Variants in KLF12 observed in about 807,000 individuals in gnomAD.
The protein encoded by KLF12 is Krueppel-like factor 12.
Under a neutral mutation model 37.8 loss-of-function variants are expected in KLF12, and 9 were observed. That is an observed-to-expected ratio of 0.24 (90% CI 0.14 to 0.42). KLF12 has a LOEUF of 0.42. Ranked by LOEUF, KLF12 falls within the 10% of genes least tolerant of loss-of-function variation. The pLI, the probability that KLF12 is intolerant of heterozygous loss-of-function variation, is 1.00. For missense variants in KLF12, 411 were observed against 516.0 expected (o/e 0.80, Z 1.97); for synonymous variants, 208 against 202.1 (o/e 1.03, Z -0.25).
At chr13:73,704,411 C>G (rs1291288119) in intron 7 of KLF12, among the ~76,000 whole-genome samples, 2 of 152,162 alleles carry the variant, frequency 1.3e-5, no homozygotes, top group African/African-American at 4.8e-5. Flanking sequence ...GTCAATGTCT[C>G]CAGTTGGAGA....
At chr13:73,827,959 T>A (rs2138557243) in intron 4 of KLF12, among the ~76,000 whole-genome samples, 1 of 152,322 alleles carries the variant, frequency 6.6e-6, no homozygotes, top group African/African-American at 2.4e-5. Context: ...AGTTCTAAGC[T>A]CTCCTTTCCT....
intron 6 of KLF12, among the ~76,000 whole-genome samples, chr13:73,757,173 T>G (rs994247374): frequency 6.6e-6 from 1 of 152,140 alleles, no homozygotes; most frequent in African/African-American, 2.4e-5. Flanking sequence ...TAAAAGGGAC[T>G]AAACTAAATG....
chr13:74,033,248 G>T lies in KLF12; in HGVS notation c.-31-38195C>A, dbSNP rs550278306. The stretch of plus-strand genomic sequence containing the variant: ...ATAAATAAGAAAGTTGAGATCCCTT[G>T]AAGTTCTACAACTAACAGGATACAT... On this transcript the variant is annotated intron_variant, in intron 1 of 7. Coordinates refer to ENST00000377669, the MANE Select transcript of KLF12 (RefSeq NM_007249.5). 2.0e-5 allele frequency among the ~76,000 whole-genome samples: 3 copies of T among 152,280 alleles called. No individual in the cohort carries two copies. In the East Asian group the frequency reaches 5.8e-4, roughly 29 times the overall value.
chr13:74,066,364 T>C (rs1428036765), intron 1 of KLF12, among the ~76,000 whole-genome samples: 1 of 152,180 alleles, frequency 6.6e-6, no homozygotes, highest in Non-Finnish European at 1.5e-5. Context: ...TACATTATAT[T>C]GAAAGAGCCT....
At chr13:73,779,309 C>T (rs781673354) in intron 5 of KLF12, among the ~76,000 whole-genome samples, 55 of 152,134 alleles carry the variant, frequency 3.6e-4, no homozygotes, top group Non-Finnish European at 7.2e-4. Context: ...GCCCCAACCT[C>T]CAACTTCTAG....
rs1878407129 is a variant in KLF12 at position 74,133,815 on chromosome 13, T to G, written c.-108A>C. Among the ~76,000 whole-genome samples, 1 of 107,350 alleles carries G rather than the reference T, an allele frequency of 9.3e-6. No homozygotes were observed. The allele number at this position is 107,350 out of a possible 152,430, so 70.4% of individuals were successfully genotyped here. A position where few individuals can be genotyped will look rare whatever the true frequency, so the allele number is the denominator to read the frequency against. On this transcript the variant is annotated 5_prime_UTR_variant, in exon 1 of 8. Transcript: ENST00000377669. ...GTCCCCCTCTCTCTCTCCCTTTCTC[T>G]CTCTCACACGCGCGCGCGCACACAC...
At chr13:74,088,938 G>C (rs766104759) in intron 1 of KLF12, among the ~76,000 whole-genome samples, 2 of 151,940 alleles carry the variant, frequency 1.3e-5, no homozygotes, top group Non-Finnish European at 2.9e-5. Context: ...TTTCTGGATT[G>C]TACTGTAAAC....
At chr13:74,136,537 A>G (rs1878560200), upstream of KLF12, among the ~76,000 whole-genome samples, 1 of 152,218 alleles carries the variant, frequency 6.6e-6, no homozygotes. Context: ...TCATCGTGGC[A>G]GTTCTTGTAC....
rs539364584 is a variant in KLF12, at chr13:74,055,439, T to A, written c.-31-60386A>T. 2.0e-5 allele frequency among the ~76,000 whole-genome samples: 3 copies of A among 152,332 alleles called. No individual in the cohort carries two copies. In the East Asian group the frequency reaches 5.8e-4, roughly 29 times the overall value. ...ATCTGAGGATGTCTGGAAACTGTAT[T>A]TTCTTGGTTCTTTACAAGATGCAAC... On this transcript the variant is annotated intron_variant, in intron 1 of 7. Transcript: ENST00000377669.
intron 1 of KLF12, among the ~76,000 whole-genome samples, chr13:74,126,068 C>A (rs1343872579): frequency 6.6e-6 from 1 of 152,082 alleles, no homozygotes; most frequent in Non-Finnish European, 1.5e-5. Flanking sequence ...AACAATAAAA[C>A]AGAAAGCATA....
At chr13:74,156,216 A>G in the KLF12 span, among the ~76,000 whole-genome samples, 25 of 152,124 alleles carry the variant, frequency 1.6e-4, no homozygotes, top group Admixed American at 1.4e-3. Flanking sequence ...TCTCTTCATA[A>G]TTTTTATTCC....
At chr13:74,075,569 A>G (rs1328677253) in intron 1 of KLF12, among the ~76,000 whole-genome samples, 1 of 152,226 alleles carries the variant, frequency 6.6e-6, no homozygotes, top group Admixed American at 6.5e-5. Context: ...ATTGAGAACC[A>G]CTGATCATTA....
chr13:74,150,858 C>T, the KLF12 span, among the ~76,000 whole-genome samples: 1 of 152,034 alleles, frequency 6.6e-6, no homozygotes, highest in African/African-American at 2.4e-5. Flanking sequence ...GGTGGACAGG[C>T]CAGAAGGTGC....
chr13:73,853,419 G>A (rs78978822), intron 3 of KLF12, among the ~76,000 whole-genome samples: 5,011 of 152,250 alleles, frequency 0.033, 252 homozygotes, highest in African/African-American at 0.11. Context: ...GAGTGAGGAG[G>A]AGACAGGGAA....
chr13:73,756,562 T>C (rs1183250987), intron 6 of KLF12, among the ~76,000 whole-genome samples: 6 of 152,210 alleles, frequency 3.9e-5, no homozygotes, highest in Admixed American at 3.3e-4. Flanking sequence ...TACGACCTTA[T>C]GGAAAGCGTT....
intron 3 of KLF12, among the ~76,000 whole-genome samples, chr13:73,913,285 C>G (rs1888661579): frequency 6.6e-6 from 1 of 152,208 alleles, no homozygotes; most frequent in Admixed American, 6.5e-5. Context: ...GTCAGCAAGT[C>G]ATTTTAGGGT....
intron 1 of KLF12, among the ~76,000 whole-genome samples, chr13:74,059,635 T>A (rs1227233578): frequency 6.6e-6 from 1 of 152,244 alleles, no homozygotes; most frequent in Non-Finnish European, 1.5e-5. Flanking sequence ...AATGGAGTTT[T>A]TTTTCTTGTT....
chr13:73,772,751 G>A (rs995746017), intron 5 of KLF12, among the ~76,000 whole-genome samples: 5 of 152,156 alleles, frequency 3.3e-5, no homozygotes, highest in African/African-American at 1.2e-4. Context: ...TTGTATACCA[G>A]AAAAATCACC....
At chr13:74,056,110 C>T (rs1456358091) in intron 1 of KLF12, among the ~76,000 whole-genome samples, 1 of 152,048 alleles carries the variant, frequency 6.6e-6, no homozygotes, top group East Asian at 1.9e-4. Context: ...AGCTCCCAAC[C>T]ACAAATGTTT....
Sources: allele counts gnomAD v4.1 joint callset (sites outside exome capture counted in the v4.1 genomes callset), GRCh38; gene constraint gnomAD v4.1.1; transcripts MANE v1.5; gene names NCBI Gene and HGNC (gene_info 2026-07-23, HGNC 2026-07-21).